RAB2A: variants seen among roughly 807,000 people sequenced by gnomAD.
RAB2A encodes the protein ras-related protein Rab-2A.
A neutral mutation model predicts 32.5 loss-of-function variants in RAB2A; 7 were observed. The ratio of observed to expected loss-of-function variants is 0.22; its 90% CI spans 0.12 to 0.40. RAB2A has a LOEUF of 0.40. Ranked by LOEUF, RAB2A falls within the 10% of genes least tolerant of loss-of-function variation. RAB2A has a pLI of 1.00. For missense variants in RAB2A, 108 were observed against 260.7 expected (o/e 0.41, Z 4.03); for synonymous variants, 79 against 85.2 (o/e 0.93, Z 0.40).
intron 1 of RAB2A, among the ~76,000 whole-genome samples, chr8:60,518,702 C>CGT (rs377546372): frequency 8.1e-4 from 117 of 144,658 alleles, no homozygotes; most frequent in South Asian, 2.5e-3. Flanking sequence ...TGCGTGCGTG[C>CGT]GTGTGTGTGT....
At chr8:60,579,683 G>A (rs922112640) in intron 3 of RAB2A, among the ~76,000 whole-genome samples, 17 of 149,496 alleles carry the variant, frequency 1.1e-4, no homozygotes, top group African/African-American at 3.4e-4. Flanking sequence ...GCTGGAGTGC[G>A]GTGGCGCAGT....
In RAB2A at chr8:60,588,833, T is replaced by C. The variant is rs115915724; in HGVS notation, c.363-3025T>C. Among the ~76,000 whole-genome samples, 1,173 of 152,340 alleles carry C rather than the reference T, an allele frequency of 7.7e-3. 14 individuals carry two copies. The highest frequency in any genetic ancestry group is 0.026 in the African/African-American group (1,070 of 41,574). On this transcript the variant is annotated intron_variant, in intron 5 of 7. Coordinates refer to ENST00000262646, the MANE Select transcript of RAB2A (RefSeq NM_002865.3). ...AAAGCTATAATGTAAAACATCGTTA[T>C]ACTGTATAGATTTTAGAGTGTTGTT...
chr8:60,534,274 G>A (rs563858997), intron 1 of RAB2A, among the ~76,000 whole-genome samples: 1 of 152,226 alleles, frequency 6.6e-6, no homozygotes, highest in South Asian at 2.1e-4. Context: ...AATCTTAGTA[G>A]GTAGCTGCTA....
At chr8:60,617,506 A>G (rs1401517298) in intron 6 of RAB2A, among the ~76,000 whole-genome samples, 1 of 152,110 alleles carries the variant, frequency 6.6e-6, no homozygotes, top group Non-Finnish European at 1.5e-5. Context: ...CTCATATTCC[A>G]ATATTCTTTT....
intron 2 of RAB2A, among the ~76,000 whole-genome samples, chr8:60,571,361 G>T (rs1435364686): frequency 6.6e-6 from 1 of 152,126 alleles, no homozygotes; most frequent in Non-Finnish European, 1.5e-5. Context: ...GTACACAAAA[G>T]AATATTATGC....
intron 1 of RAB2A, 128 bp downstream of exon 1, chr8:60,517,381 A>C: frequency 1.1e-6 from 1 of 901,852 alleles, no homozygotes; most frequent in East Asian, 3.4e-5. Context: ...GCGCCGCTCC[A>C]TTTCCGCAGT....
At chr8:60,536,339 C>T (rs546429959) in intron 1 of RAB2A, among the ~76,000 whole-genome samples, 5 of 152,256 alleles carry the variant, frequency 3.3e-5, no homozygotes, top group African/African-American at 9.6e-5. Context: ...TTTCTGCTTA[C>T]AGCCTTTGAT....
chr8:60,534,189 T>A (rs1192867151), intron 1 of RAB2A, among the ~76,000 whole-genome samples: 1 of 152,236 alleles, frequency 6.6e-6, no homozygotes, highest in Non-Finnish European at 1.5e-5. Context: ...TTTCAGATTG[T>A]CAGTAAACCT....
intron 6 of RAB2A, among the ~76,000 whole-genome samples, chr8:60,600,115 G>A (rs1396563550): frequency 6.6e-6 from 1 of 151,252 alleles, no homozygotes; most frequent in Non-Finnish European, 1.5e-5. Flanking sequence ...AGAGATATGA[G>A]CAGATATTTC....
chr8:60,589,359 A>G (rs1247945785), intron 5 of RAB2A, among the ~76,000 whole-genome samples: 1 of 152,220 alleles, frequency 6.6e-6, no homozygotes, highest in Non-Finnish European at 1.5e-5. Context: ...AAGAACAGAG[A>G]GAAATAAATG....
chr8:60,620,299 G>A (rs1306330089), intron 7 of RAB2A, among the ~76,000 whole-genome samples: 1 of 152,234 alleles, frequency 6.6e-6, no homozygotes, highest in Non-Finnish European at 1.5e-5. Flanking sequence ...CAGAAACACT[G>A]TCTAGAGAAA....
intron 6 of RAB2A, among the ~76,000 whole-genome samples, chr8:60,599,042 A>G (rs1173633266): frequency 6.6e-6 from 1 of 151,860 alleles, no homozygotes; most frequent in African/African-American, 2.4e-5. Context: ...TCAGTAGGAA[A>G]TCTCAAGGGA....
intron 6 of RAB2A, among the ~76,000 whole-genome samples, chr8:60,595,136 A>C (rs1288123518): frequency 6.6e-6 from 1 of 152,232 alleles, no homozygotes; most frequent in Non-Finnish European, 1.5e-5. Flanking sequence ...AAGTGAAATG[A>C]TTGAAGAAAG....
At chr8:60,582,595 C>G (rs1440084034) in intron 3 of RAB2A, among the ~76,000 whole-genome samples, 1 of 152,086 alleles carries the variant, frequency 6.6e-6, no homozygotes, top group Admixed American at 6.5e-5. Flanking sequence ...AATTACATCT[C>G]CCTGCAGCCT....
At chr8:60,523,484 C>T (rs539610942) in intron 1 of RAB2A, among the ~76,000 whole-genome samples, 6 of 152,206 alleles carry the variant, frequency 3.9e-5, no homozygotes, top group Non-Finnish European at 7.4e-5. Context: ...ACATATGTCT[C>T]TTTCTCAACC....
chr8:60,540,541 G>A (rs922369783), intron 1 of RAB2A, among the ~76,000 whole-genome samples: 1 of 152,134 alleles, frequency 6.6e-6, no homozygotes, highest in African/African-American at 2.4e-5. Flanking sequence ...GTGCAATGGC[G>A]CAATCTTGGC....
chr8:60,610,442 G>T (rs1393668527), intron 6 of RAB2A, among the ~76,000 whole-genome samples: 1 of 152,182 alleles, frequency 6.6e-6, no homozygotes, highest in African/African-American at 2.4e-5. Context: ...GGTGGAATGA[G>T]TATTTTTATG....
chr8:60,573,033 C>T (rs539599999), intron 3 of RAB2A, among the ~76,000 whole-genome samples: 9 of 151,650 alleles, frequency 5.9e-5, no homozygotes, highest in South Asian at 2.1e-4. Flanking sequence ...CTGAGCCTTA[C>T]GTATGTTGTT....
intron 2 of RAB2A, among the ~76,000 whole-genome samples, chr8:60,567,120 T>G (rs1210612806): frequency 3.2e-5 from 4 of 126,336 alleles, no homozygotes; most frequent in Non-Finnish European, 4.7e-5. Flanking sequence ...TCTTTTTTTC[T>G]TTTTTTTTTT....
Sources: gnomAD v4.1 joint callset for allele counts (sites outside exome capture counted in the v4.1 genomes callset) on GRCh38, gnomAD v4.1.1 for gene constraint, MANE v1.5 for transcripts, NCBI Gene and HGNC (gene_info 2026-07-23, HGNC 2026-07-21) for gene names.